KDM4B: variants seen among roughly 807,000 people sequenced by gnomAD.
The protein encoded by KDM4B is lysine-specific demethylase 4B.
In KDM4B, 32 loss-of-function variants were observed where a neutral mutation model predicts 125.2. The ratio of observed to expected loss-of-function variants is 0.26; its 90% CI spans 0.19 to 0.34. The LOEUF (loss-of-function observed/expected upper bound fraction) is 0.34, where lower values mean the gene tolerates loss of function less well. KDM4B is among the 10% of genes least tolerant of loss of function. KDM4B has a pLI of 1.00. For missense variants in KDM4B, 1,190 were observed against 1,577.7 expected (o/e 0.75, Z 4.16); for synonymous variants, 721 against 677.9 (o/e 1.06, Z -0.99).
intron 2 of KDM4B, among the ~76,000 whole-genome samples, chr19:5,016,894 A>G (rs2035909071): frequency 1.3e-5 from 2 of 152,066 alleles, no homozygotes; most frequent in Admixed American, 6.6e-5. Context: ...GCCCAGGGGG[A>G]CCACTCAGGA....
chr19:4,974,582 A>G (rs1310354241), intron 1 of KDM4B, among the ~76,000 whole-genome samples: 7 of 151,180 alleles, frequency 4.6e-5, no homozygotes, highest in African/African-American at 1.2e-4. Context: ...CTACAAAAAT[A>G]CAAAAATCAG....
At chr19:5,054,461 AATG>A (rs2037330973) in intron 6 of KDM4B, among the ~76,000 whole-genome samples, 1 of 87,716 alleles carries the variant, frequency 1.1e-5, no homozygotes, top group African/African-American at 4.6e-5. Flanking sequence ...AGAGAGAGAG[AATG>A]TGTGTGTGTG....
At chr19:5,048,966 C>A (rs1354108625) in intron 6 of KDM4B, among the ~76,000 whole-genome samples, 1 of 152,308 alleles carries the variant, frequency 6.6e-6, no homozygotes, top group African/African-American at 2.4e-5. Context: ...GACTTCAGTG[C>A]CAAGGACTGC....
intron 2 of KDM4B, among the ~76,000 whole-genome samples, chr19:5,019,623 T>C (rs1599428205): frequency 7.4e-6 from 1 of 135,448 alleles, no homozygotes. Context: ...CGTGTGGGGG[T>C]GTTGGTGTAC....
intron 1 of KDM4B, among the ~76,000 whole-genome samples, chr19:4,977,554 G>A (rs1480429799): frequency 6.6e-6 from 1 of 152,212 alleles, no homozygotes; most frequent in Non-Finnish European, 1.5e-5. Context: ...CGGTGGGCCT[G>A]TTTGCGTTTT....
chr19:5,110,606 G>A lies in KDM4B; in HGVS notation c.919-16G>A, dbSNP rs761673087. 63 of 1,612,334 alleles carry A rather than the reference G, an allele frequency of 3.9e-5. No individual in the cohort carries two copies. The highest frequency in any genetic ancestry group is 2.7e-5 in the African/African-American group (2 of 74,896). On this transcript the variant is annotated splice_polypyrimidine_tract_variant and intron_variant, in intron 9 of 22. Coordinates refer to ENST00000159111, the MANE Select transcript of KDM4B (RefSeq NM_015015.3). ...CAGGTGTGGCGCGAGGGCTCAGACCGTGTCCCCTGCCGCAGTGCACGTGCC... is the reference window on the plus strand; with the variant it reads ...CAGGTGTGGCGCGAGGGCTCAGACCATGTCCCCTGCCGCAGTGCACGTGCC...
At chr19:5,048,762 C>T (rs1412727944) in intron 6 of KDM4B, among the ~76,000 whole-genome samples, 1 of 152,250 alleles carries the variant, frequency 6.6e-6, no homozygotes, top group Admixed American at 6.5e-5. Flanking sequence ...AAAGCGTGGC[C>T]TCCCAGGGGT....
At chr19:4,988,829 G>A (rs183403530) in intron 1 of KDM4B, among the ~76,000 whole-genome samples, 1 of 152,244 alleles carries the variant, frequency 6.6e-6, no homozygotes, top group East Asian at 1.9e-4. Flanking sequence ...CAGCTTCCTC[G>A]CAGAGGCTTG....
At chr19:5,085,851 C>T (rs11085112) in intron 9 of KDM4B, among the ~76,000 whole-genome samples, 49,454 of 152,172 alleles carry the variant, frequency 0.32, 9,464 homozygotes, top group East Asian at 0.89. Flanking sequence ...AGGGTTTTCT[C>T]TCCCATAAGC....
At chr19:5,037,397 A>G (rs189447586) in intron 3 of KDM4B, among the ~76,000 whole-genome samples, 35 of 152,148 alleles carry the variant, frequency 2.3e-4, no homozygotes, top group Admixed American at 5.9e-4. Flanking sequence ...CCACTCCTCA[A>G]TGTCTTCGTG....
intron 5 of KDM4B, among the ~76,000 whole-genome samples, chr19:5,044,373 A>T (rs2036955301): frequency 9.0e-6 from 1 of 111,312 alleles, no homozygotes; most frequent in Non-Finnish European, 1.8e-5. Context: ...TGTCCACCTT[A>T]TCCCGCGTGG....
intron 20 of KDM4B, 106 bp downstream of exon 20, chr19:5,144,518 A>C: frequency 1.3e-6 from 1 of 789,732 alleles, no homozygotes; most frequent in Non-Finnish European, 1.7e-6. Flanking sequence ...GGGGGAAGCT[A>C]GGAGTGGCCT....
chr19:5,092,546 G>A (rs4807686), intron 9 of KDM4B, among the ~76,000 whole-genome samples: 1,598 of 152,358 alleles, frequency 0.01, 39 homozygotes, highest in Admixed American at 0.064. Flanking sequence ...ACCGAGGCTC[G>A]TGGTGTGGCT....
At chr19:5,009,478 C>G (rs1281205174) in intron 1 of KDM4B, among the ~76,000 whole-genome samples, 1 of 152,190 alleles carries the variant, frequency 6.6e-6, no homozygotes, top group Non-Finnish European at 1.5e-5. Context: ...TTGGCTCTTT[C>G]ACGGCCTGAC....
chr19:5,050,777 A>G (rs2037195672), intron 6 of KDM4B, among the ~76,000 whole-genome samples: 1 of 152,108 alleles, frequency 6.6e-6, no homozygotes, highest in African/African-American at 2.4e-5. Context: ...GCAGGTGCCT[A>G]TAATCCCAGC....
chr19:5,103,980 C>T (rs141887811), intron 9 of KDM4B, among the ~76,000 whole-genome samples: 1 of 152,256 alleles, frequency 6.6e-6, no homozygotes, highest in Non-Finnish European at 1.5e-5. Flanking sequence ...GCTTGGCCAC[C>T]CGCACATCAT....
chr19:5,009,004 T>A (rs993460392), intron 1 of KDM4B, among the ~76,000 whole-genome samples: 20 of 146,108 alleles, frequency 1.4e-4, no homozygotes, highest in Non-Finnish European at 2.7e-4. Flanking sequence ...AGCCTCTGCC[T>A]CCCAGGTTCA....
intron 18 of KDM4B, among the ~76,000 whole-genome samples, chr19:5,143,491 A>C (rs377051952): frequency 6.6e-6 from 1 of 151,988 alleles, no homozygotes; most frequent in African/African-American, 2.4e-5. Flanking sequence ...CCCTGTGCCC[A>C]CGAGCCCACT....
intron 21 of KDM4B, among the ~76,000 whole-genome samples, chr19:5,146,190 G>A (rs893202443): frequency 2.0e-5 from 3 of 150,214 alleles, no homozygotes; most frequent in Non-Finnish European, 3.0e-5. Context: ...CATGCAGGCC[G>A]GCCCCGCCCG....
Sources: allele counts gnomAD v4.1 joint callset (sites outside exome capture counted in the v4.1 genomes callset), GRCh38; gene constraint gnomAD v4.1.1; transcripts MANE v1.5; gene names NCBI Gene and HGNC (gene_info 2026-07-23, HGNC 2026-07-21).